Variants in MAGI2 observed in about 807,000 individuals in gnomAD.
The protein encoded by MAGI2 is membrane associated guanylate kinase, WW and PDZ domain containing 2, also known as membrane-associated guanylate kinase, WW and PDZ domain-containing protein 2.
Under a neutral mutation model 133.3 loss-of-function variants are expected in MAGI2, and 35 were observed. That is an observed-to-expected ratio of 0.26 (90% confidence interval 0.20 to 0.35). The LOEUF is 0.35. Among genes scored for constraint, MAGI2 ranks in the 10% least tolerant of loss-of-function variants. The probability of loss-of-function intolerance (pLI) is 1.00; values close to 1 mark genes in which losing one functional copy is unlikely to be tolerated. For synonymous variants in MAGI2, 729 were observed against 710.6 expected (o/e 1.03, Z -0.41); for missense variants, 1,636 against 1,863.4 (o/e 0.88, Z 2.25).
chr7:78,465,114 A>G (rs559687399), intron 6 of MAGI2, among the ~76,000 whole-genome samples: 59 of 152,292 alleles, frequency 3.9e-4, no homozygotes, highest in Non-Finnish European at 6.9e-4. Context: ...AACTCACAAA[A>G]CAACAAAAAA....
chr7:78,244,371 A>G (rs1175479950), intron 10 of MAGI2, among the ~76,000 whole-genome samples: 1 of 152,016 alleles, frequency 6.6e-6, no homozygotes, highest in Non-Finnish European at 1.5e-5. Flanking sequence ...ACTCTAAAAA[A>G]AATTAATTAC....
chr7:78,417,982 T>A (rs1440721128), intron 6 of MAGI2, among the ~76,000 whole-genome samples: 2 of 152,134 alleles, frequency 1.3e-5, no homozygotes, highest in Non-Finnish European at 2.9e-5. Context: ...CTCCACATTG[T>A]TTTCACTCCA....
At chr7:78,315,875 C>T (rs1351449849) in intron 9 of MAGI2, among the ~76,000 whole-genome samples, 5 of 152,134 alleles carry the variant, frequency 3.3e-5, no homozygotes, top group East Asian at 3.8e-4. Context: ...CTTTGTCTCT[C>T]GGTCATTTTC....
chr7:78,448,307 G>T (rs1028442710), intron 6 of MAGI2, among the ~76,000 whole-genome samples: 2 of 151,992 alleles, frequency 1.3e-5, no homozygotes, highest in African/African-American at 4.8e-5. Flanking sequence ...TCGAATTGCT[G>T]GATCATACGG....
At chr7:79,387,816 G>A (rs527462631) in intron 1 of MAGI2, among the ~76,000 whole-genome samples, 2 of 151,410 alleles carry the variant, frequency 1.3e-5, no homozygotes, top group African/African-American at 4.8e-5. Flanking sequence ...TTTTAAATTT[G>A]GAACATGATG....
intron 10 of MAGI2, among the ~76,000 whole-genome samples, chr7:78,241,804 T>A (rs759519289): frequency 1.7e-4 from 26 of 151,504 alleles, no homozygotes; most frequent in Non-Finnish European, 3.4e-4. Context: ...TGTGGTGGTG[T>A]GCACCTGTAA....
chr7:79,011,891 T>G (rs541156635), intron 1 of MAGI2, among the ~76,000 whole-genome samples: 1 of 128,898 alleles, frequency 7.8e-6, no homozygotes, highest in African/African-American at 3.1e-5. Flanking sequence ...CTTTCTTCCT[T>G]CCTTCCTTCC....
chr7:78,949,589 C>T (rs902178268), intron 2 of MAGI2, among the ~76,000 whole-genome samples: 1 of 152,078 alleles, frequency 6.6e-6, no homozygotes, highest in Non-Finnish European at 1.5e-5. Flanking sequence ...ATTTGTCATT[C>T]TATATTTACC....
rs183566164 is a variant in MAGI2 at position 79,082,797 on chromosome 7, G to A, written c.302-75591C>T. On this transcript the variant is annotated intron_variant, in intron 1 of 21. Transcript: ENST00000354212. ...TGAATCTGTAGATCCCTTGGGGGTT[G>A]GGGGGTATTGCCTCTTAACAATATA... Among the ~76,000 whole-genome samples the A allele has an allele frequency of 4.1e-3, 627 of 151,800 alleles. 2 individuals carry two copies. Among genetic ancestry groups the A allele is most frequent in the Non-Finnish European group, 6.3e-3 (424 of 67,794 alleles).
chr7:78,020,559 T>C (rs1808286939), intron 21 of MAGI2, among the ~76,000 whole-genome samples: 1 of 145,608 alleles, frequency 6.9e-6, no homozygotes, highest in African/African-American at 2.5e-5. Flanking sequence ...ACACTAACGA[T>C]AGCTGATGGG....
rs369365718 is a variant in MAGI2, at chr7:78,313,466, A to G, written c.1408+30312T>C. On this transcript the variant is annotated intron_variant, in intron 9 of 21. Coordinates refer to ENST00000354212, the MANE Select transcript of MAGI2 (RefSeq NM_012301.4). ...ATCATTGTGGTTGTCAGTTCAAAAC[A>G]TCAAAATGCATTTTCCAATTTGAAT... Among the ~76,000 whole-genome samples the G allele has an allele frequency of 5.6e-4, 85 of 152,320 alleles. 2 individuals carry two copies. The South Asian group carries it at 0.017, about 31-fold the overall frequency.
At chr7:78,457,682 T>C (rs1789466068) in intron 6 of MAGI2, among the ~76,000 whole-genome samples, 1 of 152,182 alleles carries the variant, frequency 6.6e-6, no homozygotes, top group South Asian at 2.1e-4. Flanking sequence ...GGTGGTATGT[T>C]AGACATTTTA....
At chr7:79,255,729 T>C (rs573733658) in intron 1 of MAGI2, among the ~76,000 whole-genome samples, 112 of 152,126 alleles carry the variant, frequency 7.4e-4, no homozygotes, top group African/African-American at 2.6e-3. Flanking sequence ...ATAAAGAAGC[T>C]AGACGGTCTA....
intron 6 of MAGI2, chr7:78,486,598 A>C: frequency 3.6e-6 from 1 of 281,290 alleles, no homozygotes; most frequent in South Asian, 5.1e-5. Flanking sequence ...CAGGACCCCG[A>C]GATTGGGAGT....
chr7:78,400,768 T>G (rs1389555165), intron 6 of MAGI2, among the ~76,000 whole-genome samples: 2 of 152,182 alleles, frequency 1.3e-5, no homozygotes, highest in Admixed American at 1.3e-4. Context: ...GGAGAAATAT[T>G]TTTTGGTAGG....
At chr7:78,615,236 G>C (rs185574917) in intron 3 of MAGI2, 2 of 152,314 alleles carry the variant, frequency 1.3e-5, no homozygotes, top group African/African-American at 4.8e-5. Flanking sequence ...GGGAATAGGG[G>C]AGAAGGGAGA....
intron 6 of MAGI2, among the ~76,000 whole-genome samples, chr7:78,488,980 A>G (rs1407121147): frequency 6.6e-6 from 1 of 152,068 alleles, no homozygotes; most frequent in Non-Finnish European, 1.5e-5. Context: ...CTAATAATTT[A>G]ATCACATAAA....
intron 15 of MAGI2, among the ~76,000 whole-genome samples, chr7:78,164,694 C>G (rs1038543476): frequency 4.6e-5 from 7 of 152,250 alleles, no homozygotes; most frequent in African/African-American, 1.7e-4. Context: ...AAGAATTAGA[C>G]TTTCCCTTAG....
chr7:78,069,532 A>G (rs1041117873), intron 21 of MAGI2, among the ~76,000 whole-genome samples: 2 of 105,942 alleles, frequency 1.9e-5, no homozygotes, highest in Admixed American at 1.1e-4. Flanking sequence ...ATTGAAAGAA[A>G]GAGAGAGGAG....
Sources: gnomAD v4.1 joint callset for allele counts (sites outside exome capture counted in the v4.1 genomes callset) on GRCh38, gnomAD v4.1.1 for gene constraint, MANE v1.5 for transcripts, NCBI Gene and HGNC (gene_info 2026-07-23, HGNC 2026-07-21) for gene names.